Variants in FHOD3 observed in about 807,000 individuals in gnomAD.
FHOD3 encodes FH1/FH2 domain-containing protein 3.
FHOD3 carries 90 observed loss-of-function variants against 173.0 expected under a neutral mutation model. The observed-to-expected ratio is 0.52, with a 90% confidence interval of 0.44 to 0.62. The LOEUF is 0.62. FHOD3 is among the 20% of genes least tolerant of loss of function. The pLI, the probability that FHOD3 is intolerant of heterozygous loss-of-function variation, is 0.00. For missense variants in FHOD3, 1,945 were observed against 2,034.7 expected, an observed-to-expected ratio of 0.96 and a Z score of 0.85; for synonymous variants, 828 against 823.0, an observed-to-expected ratio of 1.01 and a Z score of -0.10.
chr18:36,419,645 G>A (rs1242034222), intron 3 of FHOD3, among the ~76,000 whole-genome samples: 1 of 152,150 alleles, frequency 6.6e-6, no homozygotes, highest in Non-Finnish European at 1.5e-5. Context: ...CACTGGGTTG[G>A]GACTAACCCA....
chr18:36,365,683 C>A (rs997871260), intron 2 of FHOD3, among the ~76,000 whole-genome samples: 1 of 152,206 alleles, frequency 6.6e-6, no homozygotes, highest in South Asian at 2.1e-4. Context: ...CTAAATTATA[C>A]CTCATTAAAG....
chr18:36,401,561 A>G (rs1039063774), intron 3 of FHOD3, among the ~76,000 whole-genome samples: 2 of 152,210 alleles, frequency 1.3e-5, no homozygotes, highest in Non-Finnish European at 1.5e-5. Context: ...GCTGATTCCC[A>G]GGATCTTGCT....
chr18:36,765,002 G>T (rs887384723), intron 27 of FHOD3, among the ~76,000 whole-genome samples: 1 of 152,204 alleles, frequency 6.6e-6, no homozygotes, highest in South Asian at 2.1e-4. Flanking sequence ...ACTCTAATGG[G>T]AAAGAGAAGC....
intron 3 of FHOD3, among the ~76,000 whole-genome samples, chr18:36,439,459 C>G (rs1023840215): frequency 5.3e-5 from 8 of 151,208 alleles, no homozygotes; most frequent in African/African-American, 9.7e-5. Flanking sequence ...CAGCACTTGT[C>G]AAATCTGAAT....
At chr18:36,370,207 T>C (rs9955084) in intron 2 of FHOD3, among the ~76,000 whole-genome samples, 7,349 of 152,198 alleles carry the variant, frequency 0.048, 356 homozygotes, top group African/African-American at 0.11. Flanking sequence ...ACCATCCTTG[T>C]TTCCCAGTTC....
intron 1 of FHOD3, among the ~76,000 whole-genome samples, chr18:36,322,964 G>C (rs1440278038): frequency 6.6e-6 from 1 of 152,212 alleles, no homozygotes; most frequent in Admixed American, 6.5e-5. Flanking sequence ...CCTCATGGGT[G>C]CCCTTTTGGC....
At chr18:36,598,749 CTG>C (rs748908013) in intron 7 of FHOD3, among the ~76,000 whole-genome samples, 11 of 152,150 alleles carry the variant, frequency 7.2e-5, no homozygotes, top group Non-Finnish European at 1.3e-4. Flanking sequence ...CTGGGTTTCA[CTG>C]TGTTAGCCAG....
intron 18 of FHOD3, among the ~76,000 whole-genome samples, chr18:36,712,393 A>T (rs890609535): frequency 6.6e-6 from 1 of 152,208 alleles, no homozygotes; most frequent in Non-Finnish European, 1.5e-5. Flanking sequence ...TAAAAAGTAA[A>T]ATATCTCAGC....
At chr18:36,444,887 A>G (rs1044312088) in intron 3 of FHOD3, among the ~76,000 whole-genome samples, 1 of 152,242 alleles carries the variant, frequency 6.6e-6, no homozygotes, top group Admixed American at 6.5e-5. Context: ...ATTACAAACA[A>G]TGCTGCAAAA....
At chr18:36,765,760 G>T (rs1436356532) in intron 27 of FHOD3, among the ~76,000 whole-genome samples, 1 of 152,084 alleles carries the variant, frequency 6.6e-6, no homozygotes, top group Non-Finnish European at 1.5e-5. Flanking sequence ...TCAAAGGCAG[G>T]TTAATAGAAA....
intron 11 of FHOD3, 40 bp from the exon 12 acceptor site, chr18:36,652,530 C>T (rs1317189182): frequency 1.9e-5 from 29 of 1,494,724 alleles, no homozygotes; most frequent in Non-Finnish European, 2.4e-5. Flanking sequence ...TCTCCCAAAT[C>T]TTTTTTTCTT....
At chr18:36,578,487 C>A (rs370239594) in intron 6 of FHOD3, among the ~76,000 whole-genome samples, 187 of 152,248 alleles carry the variant, frequency 1.2e-3, no homozygotes, top group African/African-American at 4.2e-3. Context: ...GACAGAGAAC[C>A]AAACCATATC....
At chr18:36,667,134 C>T (rs933941383) in intron 14 of FHOD3, among the ~76,000 whole-genome samples, 2 of 152,108 alleles carry the variant, frequency 1.3e-5, no homozygotes, top group African/African-American at 4.8e-5. Context: ...GTACATAAAC[C>T]ATAATTTATC....
intron 14 of FHOD3, among the ~76,000 whole-genome samples, chr18:36,671,209 T>C (rs892870739): frequency 3.3e-5 from 5 of 152,252 alleles, no homozygotes; most frequent in Non-Finnish European, 7.3e-5. Flanking sequence ...GTTATCCCCA[T>C]TGGCCTCTCT....
At chr18:36,320,084 A>G (rs547326765) in intron 1 of FHOD3, among the ~76,000 whole-genome samples, 1 of 152,360 alleles carries the variant, frequency 6.6e-6, no homozygotes, top group East Asian at 1.9e-4. Flanking sequence ...AAGAGAAGCA[A>G]GAGCAAACAA....
intron 6 of FHOD3, among the ~76,000 whole-genome samples, chr18:36,578,051 G>A (rs2058719870): frequency 6.6e-6 from 1 of 152,190 alleles, no homozygotes; most frequent in African/African-American, 2.4e-5. Flanking sequence ...TGGAGTGGGG[G>A]ATCTTGAGGG....
intron 18 of FHOD3, among the ~76,000 whole-genome samples, chr18:36,716,619 A>G (rs1187696490): frequency 6.6e-6 from 1 of 152,188 alleles, no homozygotes; most frequent in East Asian, 1.9e-4. Context: ...AGCAACGGAG[A>G]CTGAGAAGGA....
At chr18:36,627,987 A>C (rs1186082256) in intron 10 of FHOD3, among the ~76,000 whole-genome samples, 1 of 152,174 alleles carries the variant, frequency 6.6e-6, no homozygotes, top group East Asian at 1.9e-4. Flanking sequence ...TTATAGCAAC[A>C]TGCCTTCAGA....
At chr18:36,315,084 T>C (rs921173481) in intron 1 of FHOD3, among the ~76,000 whole-genome samples, 1 of 151,732 alleles carries the variant, frequency 6.6e-6, no homozygotes, top group Admixed American at 6.5e-5. Context: ...CAGGAACTGA[T>C]AGGCCATGAT....
Sources: gnomAD v4.1 joint callset for allele counts (sites outside exome capture counted in the v4.1 genomes callset) on GRCh38, gnomAD v4.1.1 for gene constraint, MANE v1.5 for transcripts, NCBI Gene and HGNC (gene_info 2026-07-23, HGNC 2026-07-21) for gene names.